Variants in APOL3 observed in about 807,000 individuals in gnomAD.
APOL3 encodes TNF-inducible protein CG12-1.
A neutral mutation model predicts 11.6 loss-of-function variants in APOL3; 14 were observed. That is an observed-to-expected ratio of 1.21 (90% CI 0.80 to 1.89). APOL3 has a LOEUF of 1.89. Ranked by LOEUF, APOL3 falls within the 40% of genes most tolerant of loss-of-function variation. The pLI is 0.00. For missense variants in APOL3, 483 were observed against 492.1 expected (o/e 0.98, Z 0.17); for synonymous variants, 192 against 190.6 (o/e 1.01, Z -0.06).
intron 1 of APOL3, among the ~76,000 whole-genome samples, chr22:36,151,100 T>C (rs1240913745): frequency 1.3e-5 from 2 of 152,082 alleles, no homozygotes; most frequent in African/African-American, 4.8e-5. Context: ...CCACGACCCA[T>C]ACAGGATTCA....
chr22:36,153,164 G>A (rs2012086099), intron 1 of APOL3: 3 of 173,772 alleles, frequency 1.7e-5, no homozygotes. Context: ...TTTTAATTGG[G>A]AAGGGAGTGA....
At chr22:36,142,079 T>A in intron 2 of APOL3, 21 bp from the exon 4 acceptor site, 1 of 1,571,362 alleles carries the variant, frequency 6.4e-7, no homozygotes, top group Non-Finnish European at 8.6e-7. Flanking sequence ...AAAGGACAGA[T>A]GATTAAGAAA....
At chr22:36,140,852 A>T in exon 3 of APOL3, 1 of 218,904 alleles carries the variant, frequency 4.6e-6, no homozygotes, top group Non-Finnish European at 8.9e-6. Flanking sequence ...CTGCATTTTC[A>T]GCTCTTTCTT....
At chr22:36,148,511 T>C (rs1017371943) in intron 1 of APOL3, among the ~76,000 whole-genome samples, 7 of 152,148 alleles carry the variant, frequency 4.6e-5, no homozygotes, top group Non-Finnish European at 5.9e-5. Flanking sequence ...AGAGAAGACG[T>C]GGCAAAGGCC....
At chr22:36,141,128 C>A in exon 3 of APOL3, 1 of 1,545,066 alleles carries the variant, frequency 6.5e-7, no homozygotes, top group South Asian at 1.3e-5. Context: ...CTTTATCCCC[C>A]TAATAAAATG....
chr22:36,145,258 T>C (rs2060150123), intron 2 of APOL3, among the ~76,000 whole-genome samples: 1 of 152,232 alleles, frequency 6.6e-6, no homozygotes, highest in Admixed American at 6.5e-5. Flanking sequence ...GAACTGACCC[T>C]GCCCTTGTGG....
chr22:36,141,332 C>T lies in APOL3; in HGVS notation c.1077G>A (p.Glu359=). ...TTGCCCCCTCATGCAAGTGCTTTGA[C>T]TCGTATACAAGGTTGACCACATCCA... The change falls in exon 3 of 3, where the codon GAG becomes GAA. Residue 359 remains glutamate (E), a synonymous_variant. Transcript: ENST00000349314. 4 of 1,614,170 alleles carry T rather than the reference C, an allele frequency of 2.5e-6. No individual in the cohort carries two copies. The South Asian group carries it at 3.3e-5, about 13-fold the overall frequency.
chr22:36,160,733 C>G, exon 1 of APOL3: 1 of 1,613,780 alleles, frequency 6.2e-7, no homozygotes, highest in Non-Finnish European at 8.5e-7. Context: ...TGGATCCCAC[C>G]TCCAGCCGTG....
At chr22:36,141,360 G>A in exon 3 of APOL3, 1 of 1,614,174 alleles carries the variant, frequency 6.2e-7, no homozygotes, top group East Asian at 2.2e-5. Flanking sequence ...CACATCCAGT[G>A]CAAGGAAGAT....
chr22:36,148,183 G>T (rs1297639167), intron 1 of APOL3, among the ~76,000 whole-genome samples: 1 of 152,094 alleles, frequency 6.6e-6, no homozygotes, highest in Non-Finnish European at 1.5e-5. Context: ...TTCAAAATTC[G>T]ATTGGACCTC....
chr22:36,151,715 A>G (rs1469287820), intron 1 of APOL3, among the ~76,000 whole-genome samples: 1 of 152,202 alleles, frequency 6.6e-6, no homozygotes, highest in Admixed American at 6.5e-5. Context: ...ATACTTTGGG[A>G]GGGTAAGCAG....
intron 2 of APOL3, among the ~76,000 whole-genome samples, chr22:36,143,348 C>A (rs555106404): frequency 1.3e-5 from 2 of 152,316 alleles, no homozygotes; most frequent in Non-Finnish European, 2.9e-5. Flanking sequence ...AATCTGTGTT[C>A]TTTCCCTGTG....
chr22:36,166,026 T>A (rs1239126759), exon 1 of APOL3: 1 of 151,974 alleles, frequency 6.6e-6, no homozygotes, highest in Non-Finnish European at 1.5e-5. Flanking sequence ...GGCCAGCACA[T>A]CCCAAAGAAA....
At chr22:36,160,053 TTGTATTTTTAG>T (rs1418095649) in intron 1 of APOL3, among the ~76,000 whole-genome samples, 1 of 152,106 alleles carries the variant, frequency 6.6e-6, no homozygotes, top group African/African-American at 2.4e-5. Context: ...AGCTAATTTT[TTGTATTTTTAG>T]TAGAGGCAGG....
chr22:36,164,215 C>T (rs2013802137), upstream of APOL3, among the ~76,000 whole-genome samples: 2 of 152,210 alleles, frequency 1.3e-5, no homozygotes, highest in African/African-American at 4.8e-5. Context: ...ACTGTTGAAT[C>T]TGTGTTTACA....
chr22:36,145,659 G>A (rs1167283313), intron 1 of APOL3, 60 bp from the exon 3 acceptor site: 2 of 1,595,432 alleles, frequency 1.3e-6, no homozygotes, highest in Non-Finnish European at 1.7e-6. Flanking sequence ...AAATGGCATT[G>A]AGAATAAGGT....
chr22:36,160,317 T>C (rs553498290), intron 1 of APOL3, among the ~76,000 whole-genome samples: 7 of 152,272 alleles, frequency 4.6e-5, no homozygotes, highest in African/African-American at 7.2e-5. Flanking sequence ...CTCCACCTTC[T>C]CTGGTTCCTC....
At chr22:36,140,894 ACCTCCCCTCTATT>A (rs766514470) in exon 3 of APOL3, 10 of 272,020 alleles carry the variant, frequency 3.7e-5, no homozygotes, top group Non-Finnish European at 6.9e-5. Context: ...GTTCCTGCAC[ACCTCCCCTCTATT>A]CCTCCCCCCA....
chr22:36,149,888 C>G (rs185017652), intron 1 of APOL3: 65 of 456,256 alleles, frequency 1.4e-4, no homozygotes, highest in African/African-American at 1.1e-3. Context: ...CTTGCTTCTG[C>G]CTGTATGTCC....
Sources: allele counts gnomAD v4.1 joint callset (sites outside exome capture counted in the v4.1 genomes callset), GRCh38; gene constraint gnomAD v4.1.1; transcripts MANE v1.5; gene names NCBI Gene and HGNC (gene_info 2026-07-23, HGNC 2026-07-21).